The following GPR89A variants were observed in gnomAD, a reference collection of about 807,000 sequenced individuals.
The protein encoded by GPR89A is golgi pH regulator A, also known as G protein-coupled receptor 89A.
A neutral mutation model predicts 52.0 loss-of-function variants in GPR89A; 16 were observed. That is an observed-to-expected ratio of 0.31 (90% CI 0.21 to 0.47). The LOEUF is 0.47. Ranked by LOEUF, GPR89A falls within the 20% of genes least tolerant of loss-of-function variation. GPR89A has a pLI of 1.00. For synonymous variants in GPR89A, 55 were observed against 150.9 expected (o/e 0.36, Z 4.66); for missense variants, 135 against 449.4 (o/e 0.30, Z 6.33).
chr1:145,654,905 G>A (rs587738282), intron 10 of GPR89A, among the ~76,000 whole-genome samples: 29 of 151,622 alleles, frequency 1.9e-4, no homozygotes, highest in South Asian at 1.7e-3. Context: ...AAACGGTTCC[G>A]TTCTCCCCGT....
At chr1:145,629,889 TTA>T (rs71228112) in intron 5 of GPR89A, among the ~76,000 whole-genome samples, 5 of 152,244 alleles carry the variant, frequency 3.3e-5, no homozygotes, top group African/African-American at 1.2e-4. Flanking sequence ...AATTCCTGAA[TTA>T]TAGCTCTGGC....
intron 5 of GPR89A, among the ~76,000 whole-genome samples, chr1:145,627,005 T>C (rs1649556942): frequency 6.6e-6 from 1 of 151,718 alleles, no homozygotes; most frequent in Non-Finnish European, 1.5e-5. Flanking sequence ...AAAGATAATC[T>C]GTAAAAGTAC....
In GPR89A at chr1:145,670,455, G is replaced by C; in HGVS notation, c.*415G>C. 3 of 309,378 alleles carry C rather than the reference G, an allele frequency of 9.7e-6. No homozygotes were observed. Among genetic ancestry groups the C allele is most frequent in the Non-Finnish European group, 1.9e-5 (3 of 161,568 alleles). 19.2% of individuals were successfully genotyped at this position (309,378 alleles called of 1,614,324 possible). On this transcript the variant is annotated 3_prime_UTR_variant, in exon 14 of 14. Coordinates refer to ENST00000313835, the MANE Select transcript of GPR89A (RefSeq NM_001097612.2). ...TTGAGATTGACTCATTAAAATCAGA[G>C]ACTGTAACACTTTTGCCTTACGTTC... is the stretch of plus-strand genomic sequence containing the variant.
chr1:145,616,187 T>C, intron 1 of GPR89A, 47 bp from the exon 2 acceptor site: 4 of 1,438,660 alleles, frequency 2.8e-6, no homozygotes, highest in Non-Finnish European at 3.9e-6. Context: ...ATAAAACATT[T>C]CTCAAAAGAA....
intron 11 of GPR89A, among the ~76,000 whole-genome samples, chr1:145,663,962 T>C (rs1571547571): frequency 1.3e-5 from 2 of 150,682 alleles, no homozygotes; most frequent in African/African-American, 4.9e-5. Flanking sequence ...TTTTAAATTG[T>C]CTTTTTACTG....
chr1:145,637,694 C>A (rs1433866265), intron 7 of GPR89A, among the ~76,000 whole-genome samples: 1 of 151,456 alleles, frequency 6.6e-6, no homozygotes, highest in African/African-American at 2.4e-5. Flanking sequence ...GTAACCATTA[C>A]AAATATATTC....
intron 12 of GPR89A, among the ~76,000 whole-genome samples, chr1:145,668,830 T>C (rs1321117367): frequency 1.3e-5 from 2 of 152,182 alleles, no homozygotes; most frequent in African/African-American, 4.8e-5. Context: ...GAGATAACCA[T>C]GTGGTTTTTG....
chr1:145,650,516 G>A (rs1403590013), intron 10 of GPR89A, among the ~76,000 whole-genome samples: 3 of 150,866 alleles, frequency 2.0e-5, no homozygotes, highest in African/African-American at 7.3e-5. Context: ...TGGGATTGCT[G>A]GGTCAAATGG....
At chr1:145,641,399 A>G (rs1472564161) in intron 7 of GPR89A, among the ~76,000 whole-genome samples, 1 of 151,804 alleles carries the variant, frequency 6.6e-6, no homozygotes, top group Non-Finnish European at 1.5e-5. Flanking sequence ...AGATCCTTGT[A>G]GTGATGGAAA....
At position 145,608,004 on chromosome 1, in the gene GPR89A, G is replaced by C. The variant is rs1305659141; in HGVS notation, c.-130G>C. 5.8e-6 allele frequency: 6 copies of C among 1,039,340 alleles called. No homozygotes were observed. Among genetic ancestry groups the C allele is most frequent in the East Asian group, 2.6e-5 (1 of 38,290 alleles). The allele number at this position is 1,039,340 out of a possible 1,614,324, so 64.4% of individuals were successfully genotyped here. A position where few individuals can be genotyped will look rare whatever the true frequency, so the allele number is the denominator to read the frequency against. ...GACTGGGGCGCAGCTTGATGGCGTC[G>C]GGCTGGAGAGCCGCAGTCCCGGCTG... On this transcript the variant is annotated 5_prime_UTR_variant, in exon 1 of 14. Coordinates refer to ENST00000313835, the MANE Select transcript of GPR89A (RefSeq NM_001097612.2).
rs71618971 is a variant in GPR89A at position 145,607,997 on chromosome 1, T to C, written c.-137T>C. On this transcript the variant is annotated 5_prime_UTR_variant, in exon 1 of 14. The change abolishes an upstream ATG in the 5' untranslated region. Coordinates refer to ENST00000313835, the MANE Select transcript of GPR89A (RefSeq NM_001097612.2). ...ATTGGCTGACTGGGGCGCAGCTTGA[T>C]GGCGTCGGGCTGGAGAGCCGCAGTC... 6.8e-4 allele frequency: 653 copies of C among 965,918 alleles called. 2 individuals carry two copies. The highest frequency in any genetic ancestry group is 4.0e-3 in the African/African-American group (244 of 60,404). The allele number at this position is 965,918 out of a possible 1,614,324, so 59.8% of individuals were successfully genotyped here.
chr1:145,615,847 T>A, intron 1 of GPR89A, among the ~76,000 whole-genome samples: 1 of 152,246 alleles, frequency 6.6e-6, no homozygotes, highest in South Asian at 2.1e-4. Flanking sequence ...CTTGAACTCC[T>A]GGCTTCAGGT....
intron 12 of GPR89A, among the ~76,000 whole-genome samples, chr1:145,667,906 G>C (rs1176166063): frequency 1.3e-5 from 2 of 151,972 alleles, no homozygotes; most frequent in Non-Finnish European, 2.9e-5. Context: ...ATTTCTGAGG[G>C]CTCTGTTCTG....
chr1:145,659,079 G>A (rs1203243818), intron 10 of GPR89A, among the ~76,000 whole-genome samples: 2 of 151,954 alleles, frequency 1.3e-5, no homozygotes, highest in African/African-American at 2.4e-5. Flanking sequence ...GCCCAGCCTC[G>A]TGTATAAGTT....
intron 1 of GPR89A, among the ~76,000 whole-genome samples, chr1:145,614,821 T>G (rs1283589825): frequency 6.6e-6 from 1 of 150,572 alleles, no homozygotes; most frequent in Non-Finnish European, 1.5e-5. Flanking sequence ...GAGAAGTTCC[T>G]TTCAGAGGAC....
At position 145,663,567 on chromosome 1, in the gene GPR89A, A is replaced by C. The variant is rs1652355231; in HGVS notation, c.1005+143A>C. The C allele has an allele frequency of 4.7e-6, 3 of 643,828 alleles. No homozygotes were observed. In the Admixed American group the frequency reaches 9.4e-5, roughly 20 times the overall value. The allele number at this position is 643,828 out of a possible 1,614,324, so 39.9% of individuals were successfully genotyped here. ...ACTCTGTATATTTTGACGTATTCAC[A>C]TGGAAAATTTTTATATTTTGATGTA... On this transcript the variant is annotated intron_variant, in intron 11 of 13. Coordinates refer to ENST00000313835, the MANE Select transcript of GPR89A (RefSeq NM_001097612.2).
At position 145,633,821 on chromosome 1, in the gene GPR89A, G is replaced by T. The variant is rs185353004; in HGVS notation, c.617+2077G>T. ...TACATTAAATCTATAGATTGCTTTA[G>T]GTAGTATGGATGTTTTAACAATACT... On this transcript the variant is annotated intron_variant, in intron 7 of 13. Coordinates refer to ENST00000313835, the MANE Select transcript of GPR89A (RefSeq NM_001097612.2). 1.1e-3 allele frequency among the ~76,000 whole-genome samples: 157 copies of T among 147,310 alleles called. 2 individuals carry two copies. The East Asian group carries it at 0.03, about 28-fold the overall frequency.
intron 7 of GPR89A, among the ~76,000 whole-genome samples, chr1:145,636,902 G>C (rs1427706569): frequency 6.6e-6 from 1 of 152,136 alleles, no homozygotes; most frequent in Non-Finnish European, 1.5e-5. Context: ...AGATTGGTAA[G>C]AGTTTAAATC....
At position 145,669,686 on chromosome 1, in the gene GPR89A, T is replaced by A. The variant is rs1553697133; in HGVS notation, c.1157T>A (p.Ile386Lys). The change falls in exon 13 of 14, where the codon ATA becomes AAA. Residue 386 changes from isoleucine (I) to lysine (K), a missense_variant. By Grantham distance (102) the Ile-to-Lys change is moderately radical (BLOSUM62 -3). Coordinates refer to ENST00000313835, the MANE Select transcript of GPR89A (RefSeq NM_001097612.2). ...SNVIVLLLAQ[I>K]MGMYFVSSVL... ...GTCATTGTCCTGCTATTAGCACAGA[T>A]AATGGTAAGTTTAATTAGTTACCTT... 6.2e-7 allele frequency: 1 copy of A among 1,611,616 alleles called. No individual in the cohort carries two copies. Among genetic ancestry groups the A allele is most frequent in the Non-Finnish European group, 8.5e-7 (1 of 1,179,578 alleles).
Sources: gnomAD v4.1 joint callset for allele counts (sites outside exome capture counted in the v4.1 genomes callset) on GRCh38, gnomAD v4.1.1 for gene constraint, MANE v1.5 for transcripts, NCBI Gene and HGNC (gene_info 2026-07-23, HGNC 2026-07-21) for gene names.